The following SPTB variants were observed in gnomAD, a reference collection of about 807,000 sequenced individuals.
SPTB encodes spectrin beta chain, erythrocytic.
In SPTB, 45 loss-of-function variants were observed where a neutral mutation model predicts 256.2. The ratio of observed to expected loss-of-function variants is 0.18; its 90% CI spans 0.14 to 0.23. SPTB has a LOEUF of 0.23. Ranked by LOEUF, SPTB falls within the 10% of genes least tolerant of loss-of-function variation. The probability of loss-of-function intolerance (pLI) is 1.00; values close to 1 mark genes in which losing one functional copy is unlikely to be tolerated. For missense variants in SPTB, 2,715 were observed against 3,040.4 expected, an observed-to-expected ratio of 0.89 and a Z score of 2.52; for synonymous variants, 1,231 against 1,243.1, an observed-to-expected ratio of 0.99 and a Z score of 0.21.
rs2082568244 is a variant in SPTB at position 64,786,360 on chromosome 14, T to G, written c.3561+44A>C. On this transcript the variant is annotated intron_variant, in intron 16 of 35. Coordinates refer to ENST00000644917, the MANE Select transcript of SPTB (RefSeq NM_001355436.2). The surrounding 1 kb of genome is among the most constrained non-coding windows in gnomAD (Gnocchi z 5.6). ...TTTGTGGACTCACCACAAGAGCTAC[T>G]GCCCTGAGAGACCCGCCTGTCCCAG... 2 of 1,612,384 alleles carry G rather than the reference T, an allele frequency of 1.2e-6. No homozygotes were observed. Among genetic ancestry groups the G allele is most frequent in the Non-Finnish European group, 1.7e-6 (2 of 1,179,786 alleles).
At chr14:64,851,360 T>C (rs1449970464) in intron 1 of SPTB, among the ~76,000 whole-genome samples, 2 of 152,180 alleles carry the variant, frequency 1.3e-5, no homozygotes, top group African/African-American at 4.8e-5. Flanking sequence ...ATTATCTACT[T>C]TATGGAGTTG....
At chr14:64,763,697 C>T (rs1034109354) in intron 32 of SPTB, 6 of 516,936 alleles carry the variant, frequency 1.2e-5, no homozygotes, top group Admixed American at 5.8e-5. Context: ...ACTTCCCCTC[C>T]AGCAGTTTTG....
rs2082208657 is a variant in SPTB at position 64,767,653 on chromosome 14, C to T, written c.6219+10G>A. Reference sequence around the variant, plus strand: ...CCCTCCTGAGCCTCCCAGCACTGTTCCCTGCTCACCGTGGTGGGCTTCTCC... The same window carrying T: ...CCCTCCTGAGCCTCCCAGCACTGTTTCCTGCTCACCGTGGTGGGCTTCTCC... On this transcript the variant is annotated intron_variant, in intron 30 of 35. Transcript: ENST00000644917. 2 of 1,613,716 alleles carry T rather than the reference C, an allele frequency of 1.2e-6. No homozygotes were observed. The highest frequency in any genetic ancestry group is 2.2e-5 in the South Asian group (2 of 91,074).
rs1055119568 is a variant in SPTB at position 64,758,218 on chromosome 14, G to A, written c.6346-4425C>T. On this transcript the variant is annotated intron_variant, in intron 32 of 35. Coordinates refer to ENST00000644917, the MANE Select transcript of SPTB (RefSeq NM_001355436.2). This position sits in a 1 kb window ranked among gnomAD's most constrained non-coding sequence, Gnocchi z 4.6. Reference sequence around the variant, plus strand: ...CAGTGTCCTGTGGGGCTGGTGTAAGGATCTCAAAAACCCTCTTGTTCCTGG... The same window carrying A: ...CAGTGTCCTGTGGGGCTGGTGTAAGAATCTCAAAAACCCTCTTGTTCCTGG... Among the ~76,000 whole-genome samples the A allele has an allele frequency of 6.6e-6, 1 of 152,218 alleles. No homozygotes were observed. Among genetic ancestry groups the A allele is most frequent in the African/African-American group, 2.4e-5 (1 of 41,460 alleles).
intron 9 of SPTB, among the ~76,000 whole-genome samples, chr14:64,798,167 C>T (rs775255334): frequency 3.9e-5 from 6 of 152,098 alleles, no homozygotes; most frequent in Non-Finnish European, 8.8e-5. Context: ...TCAAGTTGTA[C>T]GGATCAATAC....
intron 20 of SPTB, among the ~76,000 whole-genome samples, chr14:64,781,118 G>A (rs229641): frequency 0.4 from 61,070 of 151,966 alleles, 13,925 homozygotes; most frequent in African/African-American, 0.63. Flanking sequence ...AACTATAAAA[G>A]GCCTGGAAGA....
chr14:64,772,722 T>C lies in SPTB; in HGVS notation c.5411A>G (p.Tyr1804Cys). The C allele has an allele frequency of 1.2e-6, 2 of 1,613,918 alleles. No individual in the cohort carries two copies. The highest frequency in any genetic ancestry group is 1.7e-6 in the Non-Finnish European group (2 of 1,180,012). Residue 1804 changes from tyrosine to cysteine, a missense_variant, in exon 26 of 36, where the codon TAC becomes TGC. Transcript: ENST00000644917. The surrounding 1 kb of genome is among the most constrained non-coding windows in gnomAD (Gnocchi z 5.4). ...AASYDLHRYFYTGAEILGLID... is the reference protein window; with the variant it reads ...AASYDLHRYFCTGAEILGLID... ...GAGGCCCAGGATCTCGGCACCCGTGTAGAAGTAGCGGTGCAGGTCATAGGA... is the reference window on the plus strand; with the variant it reads ...GAGGCCCAGGATCTCGGCACCCGTGCAGAAGTAGCGGTGCAGGTCATAGGA...
At chr14:64,831,257 G>C (rs149470578) in intron 1 of SPTB, among the ~76,000 whole-genome samples, 1 of 152,142 alleles carries the variant, frequency 6.6e-6, no homozygotes, top group African/African-American at 2.4e-5. Context: ...CAAATCCTGG[G>C]AGAAACATGA....
chr14:64,821,586 C>T (rs1319005842), intron 2 of SPTB, among the ~76,000 whole-genome samples: 1 of 152,102 alleles, frequency 6.6e-6, no homozygotes, highest in Admixed American at 6.5e-5. Context: ...GACGACAAAG[C>T]CAATGGTTCC....
At chr14:64,872,477 C>A (rs112908289) in intron 1 of SPTB, among the ~76,000 whole-genome samples, 3,595 of 152,286 alleles carry the variant, frequency 0.024, 150 homozygotes, top group African/African-American at 0.082. Context: ...ACTCCCCTGC[C>A]CACAACTTCC....
At position 64,785,528 on chromosome 14, in the gene SPTB, G is replaced by T. The variant is rs749514599; in HGVS notation, c.3855+9C>A. The T allele has an allele frequency of 6.2e-7, 1 of 1,610,046 alleles. No homozygotes were observed. Among genetic ancestry groups the T allele is most frequent in the East Asian group, 2.2e-5 (1 of 44,808 alleles). On this transcript the variant is annotated intron_variant, in intron 18 of 35. Coordinates refer to ENST00000644917, the MANE Select transcript of SPTB (RefSeq NM_001355436.2). The surrounding 1 kb of genome is among the most constrained non-coding windows in gnomAD (Gnocchi z 4.4). ...CCAGGAAAGCAGCCACTCCTTGCTG[G>T]AGCCTCACCTCCTGGCAGTTCTGGA... is the stretch of plus-strand genomic sequence containing the variant.
At chr14:64,771,847 T>C (rs2082283418) in intron 26 of SPTB, among the ~76,000 whole-genome samples, 1 of 152,148 alleles carries the variant, frequency 6.6e-6, no homozygotes, top group African/African-American at 2.4e-5. Flanking sequence ...ACCCTGGTGT[T>C]CTGTCCCCAA....
At chr14:64,763,714 G>A (rs763895807) in intron 32 of SPTB, 41 of 517,992 alleles carry the variant, frequency 7.9e-5, no homozygotes, top group African/African-American at 6.0e-4. Flanking sequence ...TTTGTCTTTC[G>A]TGAGTGAGGT....
Position 64,775,026 on chromosome 14 carries a change from C to G in SPTB, c.4842+99G>C. 1 of 1,564,922 alleles carries G rather than the reference C, an allele frequency of 6.4e-7. No homozygotes were observed. On this transcript the variant is annotated intron_variant, in intron 23 of 35. Transcript: ENST00000644917. The surrounding 1 kb of genome is among the most constrained non-coding windows in gnomAD (Gnocchi z 5.0). ...CTTGTGCCCCTCCCCTGGCCTCACT[C>G]CTCACACAGTTGGACTCACAAGGCT...
intron 15 of SPTB, among the ~76,000 whole-genome samples, chr14:64,788,770 C>A (rs955395852): frequency 1.3e-5 from 2 of 152,178 alleles, no homozygotes; most frequent in African/African-American, 4.8e-5. Context: ...ACACTTGCCC[C>A]CTCCACTGCA....
At position 64,793,712 on chromosome 14, in the gene SPTB, T is replaced by C. The variant is rs776443913; in HGVS notation, c.1951A>G (p.Ser651Gly). ...KFFWEMDEAE[S>G]WIKEKEQIYS... ...ATCTGCTCCTTCTCCTTGATCCAGCTCTCAGCCTCATCCATCTCCCAGAAG... is the reference window on the plus strand; with the variant it reads ...ATCTGCTCCTTCTCCTTGATCCAGCCCTCAGCCTCATCCATCTCCCAGAAG... Residue 651 changes from serine (S) to glycine (G), a missense_variant, in exon 14 of 36, where the codon AGC (serine) becomes GGC (glycine). Around this residue, in one of 4 missense-constraint regions of SPTB, gnomAD observed 2,239 missense variants for 2,384.4 expected, o/e 0.94. Coordinates refer to ENST00000644917, the MANE Select transcript of SPTB (RefSeq NM_001355436.2). The surrounding 1 kb of genome is among the most constrained non-coding windows in gnomAD (Gnocchi z 7.0). 2 of 1,614,164 alleles carry C rather than the reference T, an allele frequency of 1.2e-6. No individual in the cohort carries two copies. Among genetic ancestry groups the C allele is most frequent in the Non-Finnish European group, 1.7e-6 (2 of 1,180,040 alleles).
At position 64,749,900 on chromosome 14, in the gene SPTB, C is replaced by A. The variant is rs2081917564; in HGVS notation, c.6776+81G>T. On this transcript the variant is annotated intron_variant, in intron 34 of 35. Coordinates refer to ENST00000644917, the MANE Select transcript of SPTB (RefSeq NM_001355436.2). The surrounding 1 kb of genome is among the most constrained non-coding windows in gnomAD (Gnocchi z 4.7). ...GGAGCAGCTCAGGCCTGGCACTGGT[C>A]CCCTACAGAGGGCCTCTGCCCTGCC... is the stretch of plus-strand genomic sequence containing the variant. 6.9e-6 allele frequency: 11 copies of A among 1,584,440 alleles called. No homozygotes were observed. Among genetic ancestry groups the A allele is most frequent in the Non-Finnish European group, 9.5e-6 (11 of 1,153,748 alleles).
At chr14:64,878,170 T>A (rs535652274) in intron 1 of SPTB, among the ~76,000 whole-genome samples, 6 of 152,344 alleles carry the variant, frequency 3.9e-5, no homozygotes, top group African/African-American at 1.4e-4. Flanking sequence ...AGCCACATTT[T>A]CATGAGCGTT....
In SPTB at chr14:64,793,586, G is replaced by T; in HGVS notation, c.2077C>A (p.Leu693Met). The T allele has an allele frequency of 6.2e-7, 1 of 1,614,202 alleles. No homozygotes were observed. Among genetic ancestry groups the T allele is most frequent in the South Asian group, 1.1e-5 (1 of 91,082 alleles). ...EDELRGLDAHLEQIFQEAHGM... is the reference protein window; with the variant it reads ...EDELRGLDAHMEQIFQEAHGM... ...TGAGCCTCCTGGAAGATCTGCTCCA[G>T]GTGAGCATCCAGCCCACGGAGCTCA... is the stretch of plus-strand genomic sequence containing the variant. Residue 693 changes from leucine (L) to methionine (M), a missense_variant, in exon 14 of 36, where the codon CTG (leucine) becomes ATG (methionine). By Grantham distance (15) the Leu-to-Met change is conservative (BLOSUM62 2). Transcript: ENST00000644917. The surrounding 1 kb of genome is among the most constrained non-coding windows in gnomAD (Gnocchi z 7.0).
Sources: gnomAD v4.1 joint callset for allele counts (sites outside exome capture counted in the v4.1 genomes callset) on GRCh38, gnomAD v4.1.1 for gene constraint, gnomAD v4.1.1 regional missense constraint, Gnocchi (gnomAD v3.1) non-coding constraint, MANE v1.5 for transcripts, NCBI Gene and HGNC (gene_info 2026-07-23, HGNC 2026-07-21) for gene names.